Variants in PPFIA2 observed in about 807,000 individuals in gnomAD.
PPFIA2 encodes the protein liprin-alpha-2.
A neutral mutation model predicts 175.5 loss-of-function variants in PPFIA2; 46 were observed. That is an observed-to-expected ratio of 0.26 (90% CI 0.21 to 0.34). PPFIA2 has a LOEUF of 0.34. Ranked by LOEUF, PPFIA2 falls within the 10% of genes least tolerant of loss-of-function variation. The probability of loss-of-function intolerance (pLI) is 1.00; values close to 1 mark genes in which losing one functional copy is unlikely to be tolerated. For synonymous variants in PPFIA2, 568 were observed against 511.4 expected (o/e 1.11, Z -1.49); for missense variants, 1,179 against 1,506.1 (o/e 0.78, Z 3.60).
At chr12:81,414,981 G>A (rs1199613901) in intron 7 of PPFIA2, among the ~76,000 whole-genome samples, 2 of 149,730 alleles carry the variant, frequency 1.3e-5, no homozygotes, top group African/African-American at 4.9e-5. Flanking sequence ...ACTGAAGCAC[G>A]TTAAAACCAA....
At chr12:81,683,633 C>T (rs1307833504) in intron 3 of PPFIA2, among the ~76,000 whole-genome samples, 2 of 151,984 alleles carry the variant, frequency 1.3e-5, no homozygotes, top group South Asian at 2.1e-4. Flanking sequence ...CAATGGCGTC[C>T]TTATTATTCC....
chr12:81,565,090 T>A lies in PPFIA2; in HGVS notation c.304-107224A>T, dbSNP rs1038998574. On this transcript the variant is annotated intron_variant, in intron 4 of 32. Transcript: ENST00000549396. ...TGAGTTTATAAACTCTGATGAACCT[T>A]TTTTGCCAGAAGAAACAGCTTACCC... Among the ~76,000 whole-genome samples, 3 of 152,230 alleles carry A rather than the reference T, an allele frequency of 2.0e-5. No individual in the cohort carries two copies. In the East Asian group the frequency reaches 5.8e-4, roughly 29 times the overall value.
chr12:81,454,037 G>A (rs879941494), intron 5 of PPFIA2, among the ~76,000 whole-genome samples: 1 of 151,974 alleles, frequency 6.6e-6, no homozygotes, highest in Non-Finnish European at 1.5e-5. Flanking sequence ...AGGCAACATG[G>A]CAAAACCCCA....
In PPFIA2 at chr12:81,347,779, TAC is replaced by T; in HGVS notation, c.1995-11_1995-10del. The T allele has an allele frequency of 6.2e-7, 1 of 1,613,138 alleles. No individual in the cohort carries two copies. The highest frequency in any genetic ancestry group is 8.5e-7 in the Non-Finnish European group (1 of 1,179,648). ...TTTCTTCCTGAATTAGCCTGAAAGA[TAC>T]AGTTTAATTATGATCCATATATAAT... On this transcript the variant is annotated splice_polypyrimidine_tract_variant and intron_variant, in intron 17 of 32. Coordinates refer to ENST00000549396, the MANE Select transcript of PPFIA2 (RefSeq NM_003625.5).
chr12:81,642,598 T>G (rs900234502), intron 4 of PPFIA2, among the ~76,000 whole-genome samples: 2 of 129,716 alleles, frequency 1.5e-5, no homozygotes, highest in African/African-American at 2.9e-5. Context: ...ATATATGTAA[T>G]ATATATATAC....
rs186036554 is a variant in PPFIA2 at position 81,379,924 on chromosome 12, A to G, written c.985-3982T>C. Among the ~76,000 whole-genome samples, 210 of 152,316 alleles carry G rather than the reference A, an allele frequency of 1.4e-3. 2 individuals are homozygous for G. The highest frequency in any genetic ancestry group is 0.014 in the East Asian group (71 of 5,186). ...AATGTCCTCACATGCAAAGCAAATT[A>G]TATTTCTGTTTTTTATTATATGGTT... On this transcript the variant is annotated intron_variant, in intron 9 of 32. Transcript: ENST00000549396.
At chr12:81,678,261 G>C (rs1434285111) in intron 3 of PPFIA2, among the ~76,000 whole-genome samples, 2 of 151,692 alleles carry the variant, frequency 1.3e-5, no homozygotes, top group Non-Finnish European at 2.9e-5. Flanking sequence ...CCTATGATGA[G>C]GAAAAAGGCC....
At chr12:81,376,293 T>TA (rs1417765292) in intron 9 of PPFIA2, among the ~76,000 whole-genome samples, 1 of 152,248 alleles carries the variant, frequency 6.6e-6, no homozygotes, top group East Asian at 1.9e-4. Flanking sequence ...TTGCAAATCA[T>TA]AAAATTGTTA....
intron 4 of PPFIA2, among the ~76,000 whole-genome samples, chr12:81,492,333 T>G (rs528704505): frequency 6.6e-6 from 1 of 152,166 alleles, no homozygotes; most frequent in African/African-American, 2.4e-5. Context: ...GGGATTATAG[T>G]AGCAGACTAA....
chr12:81,742,032 C>T (rs1048100559), intron 3 of PPFIA2, among the ~76,000 whole-genome samples: 6 of 152,054 alleles, frequency 3.9e-5, no homozygotes, highest in South Asian at 2.1e-4. Flanking sequence ...AGAGAGCAGC[C>T]GCAGCAGTCC....
In PPFIA2 at chr12:81,546,972, C is replaced by G. The variant is rs143090008; in HGVS notation, c.304-89106G>C. Among the ~76,000 whole-genome samples the G allele has an allele frequency of 3.2e-3, 490 of 152,224 alleles. 2 individuals are homozygous for G. The highest frequency in any genetic ancestry group is 6.8e-3 in the Middle Eastern group (2 of 294). ...AAAGAGTTAGCAGGACGTCACTTCT[C>G]AGTTCCTAATCATGCCCTAAGCCTG... On this transcript the variant is annotated intron_variant, in intron 4 of 32. Coordinates refer to ENST00000549396, the MANE Select transcript of PPFIA2 (RefSeq NM_003625.5).
chr12:81,490,972 T>A (rs758764462), intron 4 of PPFIA2, among the ~76,000 whole-genome samples: 25 of 152,026 alleles, frequency 1.6e-4, no homozygotes, highest in Non-Finnish European at 2.9e-4. Context: ...CCTTATCTTC[T>A]GCCATGTCCC....
At chr12:81,730,478 C>T (rs1021661300) in intron 3 of PPFIA2, among the ~76,000 whole-genome samples, 1 of 151,562 alleles carries the variant, frequency 6.6e-6, no homozygotes, top group East Asian at 2.0e-4. Flanking sequence ...ATGCCAGATG[C>T]TTATGAAACC....
chr12:81,733,962 G>A (rs755885805), intron 3 of PPFIA2, among the ~76,000 whole-genome samples: 1 of 151,622 alleles, frequency 6.6e-6, no homozygotes, highest in African/African-American at 2.4e-5. Flanking sequence ...ACTAGATAAC[G>A]TGCCTGCTAC....
intron 22 of PPFIA2, among the ~76,000 whole-genome samples, chr12:81,300,317 G>A (rs1349130672): frequency 1.3e-5 from 2 of 151,980 alleles, no homozygotes; most frequent in East Asian, 1.9e-4. Context: ...TAAAAACATG[G>A]TATAATAATT....
chr12:81,334,506 A>C (rs2056763571), intron 21 of PPFIA2, among the ~76,000 whole-genome samples: 1 of 149,682 alleles, frequency 6.7e-6, no homozygotes. Flanking sequence ...AAAAAAAAAT[A>C]AATCTCCTCA....
Position 81,358,234 on chromosome 12 carries a change from A to G in PPFIA2, c.1638-17T>C. 1 of 1,552,674 alleles carries G rather than the reference A, an allele frequency of 6.4e-7. No individual in the cohort carries two copies. The highest frequency in any genetic ancestry group is 8.7e-7 in the Non-Finnish European group (1 of 1,149,132). ...AGATGAGTTCTGGAAAAAAGGAAAA[A>G]TATAAAATAATCCAATCTCAAAAAT... On this transcript the variant is annotated splice_polypyrimidine_tract_variant and intron_variant, in intron 15 of 32. Transcript: ENST00000549396.
intron 4 of PPFIA2, among the ~76,000 whole-genome samples, chr12:81,514,906 A>G (rs529313686): frequency 6.6e-6 from 1 of 152,070 alleles, no homozygotes; most frequent in East Asian, 1.9e-4. Context: ...TTTATTATAG[A>G]GAAGAATCTC....
At chr12:81,303,444 T>A (rs566796547) in intron 22 of PPFIA2, among the ~76,000 whole-genome samples, 6 of 152,284 alleles carry the variant, frequency 3.9e-5, no homozygotes, top group African/African-American at 1.2e-4. Flanking sequence ...GGAGGTGTTA[T>A]CACTTGGGTC....
Sources: allele counts gnomAD v4.1 joint callset (sites outside exome capture counted in the v4.1 genomes callset), GRCh38; gene constraint gnomAD v4.1.1; transcripts MANE v1.5; gene names NCBI Gene and HGNC (gene_info 2026-07-23, HGNC 2026-07-21).